SMOC2: variants seen among roughly 807,000 people sequenced by gnomAD.
SMOC2 encodes the protein SPARC related modular calcium binding 2, also known as SPARC-related modular calcium-binding protein 2.
SMOC2 carries 39 observed loss-of-function variants against 61.4 expected under a neutral mutation model. The ratio of observed to expected loss-of-function variants is 0.64; its 90% CI spans 0.49 to 0.83. The LOEUF (loss-of-function observed/expected upper bound fraction) is 0.83. Among genes scored for constraint, SMOC2 ranks in the 40% least tolerant of loss-of-function variants. The pLI, the probability that SMOC2 is intolerant of heterozygous loss-of-function variation, is 0.00. For missense variants in SMOC2, 556 were observed against 592.9 expected (o/e 0.94, Z 0.65); for synonymous variants, 247 against 239.9 (o/e 1.03, Z -0.27).
At position 168,664,420 on chromosome 6, in the gene SMOC2, A is replaced by T. The variant is rs1182993723; in HGVS notation, c.1323+309A>T. 30 of 380,496 alleles carry T rather than the reference A, an allele frequency of 7.9e-5. No individual in the cohort carries two copies. In the African/African-American group the frequency reaches 9.4e-4, roughly 12 times the overall value. The allele number at this position is 380,496 out of a possible 1,614,324, so 23.6% of individuals were successfully genotyped here. Reference sequence around the variant, plus strand: ...TTTTTTTTTTTTTTTTTTTTTTAAGAGAAGGGGTTCTGCCATGTTGCCCAG... The same window carrying T: ...TTTTTTTTTTTTTTTTTTTTTTAAGTGAAGGGGTTCTGCCATGTTGCCCAG... On this transcript the variant is annotated intron_variant, in intron 12 of 12. Transcript: ENST00000356284.
chr6:168,542,640 C>G (rs1209438594), intron 4 of SMOC2, among the ~76,000 whole-genome samples: 1 of 152,036 alleles, frequency 6.6e-6, no homozygotes, highest in Non-Finnish European at 1.5e-5. Context: ...GGTGTCTGGG[C>G]ACTGTGACCT....
intron 1 of SMOC2, among the ~76,000 whole-genome samples, chr6:168,455,404 G>T (rs2114997450): frequency 6.6e-6 from 1 of 152,346 alleles, no homozygotes; most frequent in Admixed American, 6.5e-5. Context: ...GGGCAGGAAG[G>T]ACGCTGGCTC....
intron 7 of SMOC2, among the ~76,000 whole-genome samples, chr6:168,558,158 G>A (rs1343672907): frequency 6.6e-6 from 1 of 152,228 alleles, no homozygotes; most frequent in Non-Finnish European, 1.5e-5. Flanking sequence ...CACAGATGGG[G>A]CCTCCAAAGT....
At chr6:168,584,782 G>A (rs1056673931) in intron 7 of SMOC2, among the ~76,000 whole-genome samples, 1 of 152,162 alleles carries the variant, frequency 6.6e-6, no homozygotes, top group Non-Finnish European at 1.5e-5. Flanking sequence ...GATGTAGAGT[G>A]AGATGCACAG....
intron 1 of SMOC2, among the ~76,000 whole-genome samples, chr6:168,502,344 C>T (rs904196760): frequency 3.3e-5 from 5 of 152,242 alleles, no homozygotes; most frequent in Admixed American, 2.0e-4. Flanking sequence ...CCATACACGT[C>T]CCTGGTCACT....
chr6:168,484,889 T>TA (rs1305227876), intron 1 of SMOC2, among the ~76,000 whole-genome samples: 5 of 152,102 alleles, frequency 3.3e-5, no homozygotes, highest in Non-Finnish European at 5.9e-5. Context: ...AAAAGCTACT[T>TA]AGAGTCAACA....
chr6:168,558,286 G>A (rs565775064), intron 7 of SMOC2, among the ~76,000 whole-genome samples: 2 of 152,302 alleles, frequency 1.3e-5, no homozygotes, highest in Admixed American at 6.5e-5. Flanking sequence ...GAGAGTGGTT[G>A]GTGTCATGTA....
chr6:168,661,365 A>G (rs112868484), intron 11 of SMOC2, among the ~76,000 whole-genome samples: 8,632 of 152,182 alleles, frequency 0.057, 294 homozygotes, highest in African/African-American at 0.084. Context: ...TAATCCCAGC[A>G]CTTTGGGAGG....
intron 1 of SMOC2, among the ~76,000 whole-genome samples, chr6:168,483,389 G>A (rs1583048093): frequency 6.6e-6 from 1 of 151,188 alleles, no homozygotes; most frequent in South Asian, 2.1e-4. Flanking sequence ...TAATGTGACA[G>A]ATTTGTACAA....
At chr6:168,628,819 C>T (rs1246475297) in intron 9 of SMOC2, among the ~76,000 whole-genome samples, 1 of 152,224 alleles carries the variant, frequency 6.6e-6, no homozygotes, top group African/African-American at 2.4e-5. Context: ...GCGTGGTGCC[C>T]CGCCGGAGAA....
At chr6:168,584,421 A>T (rs956339569) in intron 7 of SMOC2, among the ~76,000 whole-genome samples, 2 of 152,320 alleles carry the variant, frequency 1.3e-5, no homozygotes, top group East Asian at 3.9e-4. Context: ...CGAAACTTGC[A>T]TAGATAAAGC....
At chr6:168,545,258 TA>T (rs11385979) in intron 5 of SMOC2, among the ~76,000 whole-genome samples, 3,451 of 144,936 alleles carry the variant, frequency 0.024, 112 homozygotes, top group African/African-American at 0.073. Context: ...GTACCCACTG[TA>T]AAAAAAAAAA....
At chr6:168,490,266 A>G (rs1782443109) in intron 1 of SMOC2, among the ~76,000 whole-genome samples, 1 of 152,178 alleles carries the variant, frequency 6.6e-6, no homozygotes, top group South Asian at 2.1e-4. Context: ...ACTGTTTTAG[A>G]ATGAAATATA....
intron 9 of SMOC2, among the ~76,000 whole-genome samples, chr6:168,625,890 C>T (rs1786396794): frequency 6.6e-6 from 1 of 152,208 alleles, no homozygotes; most frequent in South Asian, 2.1e-4. Flanking sequence ...AGGCGAGGGG[C>T]CTCGGAGGAG....
intron 9 of SMOC2, among the ~76,000 whole-genome samples, chr6:168,634,954 G>T (rs915238042): frequency 2.0e-5 from 3 of 152,168 alleles, no homozygotes; most frequent in Non-Finnish European, 4.4e-5. Context: ...TACTTTCAGA[G>T]GCCAGTTTTC....
At chr6:168,595,299 G>A (rs1018513087) in intron 7 of SMOC2, among the ~76,000 whole-genome samples, 2 of 151,692 alleles carry the variant, frequency 1.3e-5, no homozygotes, top group Non-Finnish European at 2.9e-5. Flanking sequence ...GTTCCTTCCT[G>A]GAGTCACGGC....
chr6:168,465,773 C>T (rs1300445310), intron 1 of SMOC2, among the ~76,000 whole-genome samples: 1 of 135,954 alleles, frequency 7.4e-6, no homozygotes, highest in Non-Finnish European at 1.5e-5. Context: ...CGAGGTGCTG[C>T]TCTGAGAGCT....
At chr6:168,539,182 T>C (rs1562335910) in intron 4 of SMOC2, among the ~76,000 whole-genome samples, 1 of 152,198 alleles carries the variant, frequency 6.6e-6, no homozygotes, top group Non-Finnish European at 1.5e-5. Flanking sequence ...ATGGCTTCTC[T>C]ATTTCCTCCC....
At chr6:168,584,804 C>T (rs902826878) in intron 7 of SMOC2, among the ~76,000 whole-genome samples, 13 of 152,090 alleles carry the variant, frequency 8.5e-5, no homozygotes, top group South Asian at 4.1e-4. Flanking sequence ...CGGCCGTGCA[C>T]GGTGGGAGGA....
Sources: gnomAD v4.1 joint callset for allele counts (sites outside exome capture counted in the v4.1 genomes callset) on GRCh38, gnomAD v4.1.1 for gene constraint, MANE v1.5 for transcripts, NCBI Gene and HGNC (gene_info 2026-07-23, HGNC 2026-07-21) for gene names.